Variants in GPCPD1 observed in about 807,000 individuals in gnomAD.
GPCPD1 encodes glycerophosphocholine phosphodiesterase GPCPD1.
GPCPD1 carries 29 observed loss-of-function variants against 89.2 expected under a neutral mutation model. That is an observed-to-expected ratio of 0.33 (90% CI 0.24 to 0.44). The LOEUF (loss-of-function observed/expected upper bound fraction) is 0.44. Ranked by LOEUF, GPCPD1 falls within the 20% of genes least tolerant of loss-of-function variation. GPCPD1 has a pLI of 1.00. For missense variants in GPCPD1, 594 were observed against 808.9 expected (o/e 0.73, Z 3.22); for synonymous variants, 258 against 266.3 (o/e 0.97, Z 0.30).
intron 4 of GPCPD1, among the ~76,000 whole-genome samples, chr20:5,592,028 C>CATG (rs1979362742): frequency 6.6e-6 from 1 of 152,222 alleles, no homozygotes; most frequent in Admixed American, 6.5e-5. Context: ...CTTTTGGTAA[C>CATG]ATTTTCAATG....
At chr20:5,575,374 C>G (rs1367672472) in intron 10 of GPCPD1, 39 bp downstream of exon 10, 1 of 1,487,864 alleles carries the variant, frequency 6.7e-7, no homozygotes, top group South Asian at 1.2e-5. Flanking sequence ...CGAACATAAG[C>G]TACACCAAAT....
At position 5,558,376 on chromosome 20, in the gene GPCPD1, C is replaced by T. The variant is rs780538580; in HGVS notation, c.1669-271G>A. ...ATGGAATGCTCTACCAAAACAAGTT[C>T]ACGTTCATCTGTAAAATGGGAATAA... On this transcript the variant is annotated intron_variant, in intron 18 of 19. Coordinates refer to ENST00000379019, the MANE Select transcript of GPCPD1 (RefSeq NM_019593.5). Among the ~76,000 whole-genome samples, 106 of 152,142 alleles carry T rather than the reference C, an allele frequency of 7.0e-4. No individual in the cohort carries two copies. In the Middle Eastern group the frequency reaches 0.01, roughly 15 times the overall value.
At chr20:5,553,046 G>C (rs6053489) in intron 19 of GPCPD1, among the ~76,000 whole-genome samples, 1 of 152,050 alleles carries the variant, frequency 6.6e-6, no homozygotes, top group Non-Finnish European at 1.5e-5. Context: ...TGGGATTACA[G>C]GCATGAACCA....
chr20:5,581,579 T>C (rs959013936), intron 6 of GPCPD1, among the ~76,000 whole-genome samples: 6 of 152,282 alleles, frequency 3.9e-5, no homozygotes, highest in African/African-American at 1.4e-4. Flanking sequence ...TTCTCAAATT[T>C]ATATATTCTG....
rs138892542 is a variant in GPCPD1 at position 5,565,565 on chromosome 20, T to C, written c.1268-487A>G. On this transcript the variant is annotated intron_variant, in intron 14 of 19. Coordinates refer to ENST00000379019, the MANE Select transcript of GPCPD1 (RefSeq NM_019593.5). ...TATTTTTTAAAGGCTCTTGTATGTATTAAACATCAAAAACCCATTTTCTAA... is the reference window on the plus strand; with the variant it reads ...TATTTTTTAAAGGCTCTTGTATGTACTAAACATCAAAAACCCATTTTCTAA... Among the ~76,000 whole-genome samples the C allele has an allele frequency of 3.7e-4, 57 of 152,274 alleles. No homozygotes were observed. The East Asian group carries it at 0.01, about 27-fold the overall frequency.
intron 19 of GPCPD1, 35 bp downstream of exon 19, chr20:5,557,910 A>G: frequency 8.2e-7 from 1 of 1,224,714 alleles, no homozygotes; most frequent in East Asian, 2.4e-5. Flanking sequence ...CTATACTTCT[A>G]AATTCCATGA....
chr20:5,603,427 A>C (rs1382799904), intron 2 of GPCPD1, among the ~76,000 whole-genome samples: 1 of 152,164 alleles, frequency 6.6e-6, no homozygotes, highest in Non-Finnish European at 1.5e-5. Context: ...AGGGGAGAGA[A>C]GAGAAGGAAC....
intron 19 of GPCPD1, among the ~76,000 whole-genome samples, chr20:5,555,689 C>T (rs1171028871): frequency 6.6e-6 from 1 of 152,148 alleles, no homozygotes; most frequent in Non-Finnish European, 1.5e-5. Context: ...AACCTCTTCT[C>T]TAGTAAAAAT....
At chr20:5,577,064 TG>T (rs760024267) in intron 8 of GPCPD1, among the ~76,000 whole-genome samples, 14,866 of 118,116 alleles carry the variant, frequency 0.13, 684 homozygotes, top group Non-Finnish European at 0.16. Flanking sequence ...TTTTTTTTTT[TG>T]TTTTTTTTTT....
chr20:5,547,822 T>C lies in GPCPD1; in HGVS notation c.1858A>G (p.Asn620Asp). 1 of 1,606,508 alleles carries C rather than the reference T, an allele frequency of 6.2e-7. No individual in the cohort carries two copies. The highest frequency in any genetic ancestry group is 8.5e-7 in the Non-Finnish European group (1 of 1,174,370). Residue 620 changes from asparagine to aspartate, a missense_variant, in exon 20 of 20, where the codon AAT becomes GAT. Asn to Asp is a conservative substitution (Grantham distance 23). Coordinates refer to ENST00000379019, the MANE Select transcript of GPCPD1 (RefSeq NM_019593.5). The part of the protein sequence containing the change: ...RIYDWMPEQP[N>D]IFQVEQLERL... ...TCCAATTGCTCCACTTGGAATATAT[T>C]TGGTTGTTCAGGCATCCAATCATAT...
At chr20:5,555,485 G>A (rs1291952519) in intron 19 of GPCPD1, among the ~76,000 whole-genome samples, 1 of 152,220 alleles carries the variant, frequency 6.6e-6, no homozygotes, top group African/African-American at 2.4e-5. Context: ...GTTGCAGTGA[G>A]CCGAGATTGT....
intron 19 of GPCPD1, among the ~76,000 whole-genome samples, chr20:5,549,748 C>CAA (rs397864689): frequency 0.01 from 952 of 95,072 alleles, 16 homozygotes; most frequent in African/African-American, 0.023. Flanking sequence ...GAACCTGCCT[C>CAA]AAAAAAAAAA....
At chr20:5,603,626 C>A (rs915127217) in intron 2 of GPCPD1, among the ~76,000 whole-genome samples, 2 of 152,114 alleles carry the variant, frequency 1.3e-5, no homozygotes, top group Non-Finnish European at 2.9e-5. Flanking sequence ...CTTTGACATG[C>A]TATCTCACAC....
intron 2 of GPCPD1, among the ~76,000 whole-genome samples, chr20:5,601,722 T>A (rs1325190305): frequency 6.6e-6 from 1 of 151,926 alleles, no homozygotes; most frequent in Admixed American, 6.6e-5. Context: ...TTATTTCTCA[T>A]CCCCCACATA....
intron 2 of GPCPD1, among the ~76,000 whole-genome samples, chr20:5,600,313 T>A (rs1341916707): frequency 6.6e-6 from 1 of 152,232 alleles, no homozygotes; most frequent in Non-Finnish European, 1.5e-5. Context: ...CCCAGCACTT[T>A]GGGAGGCCAA....
chr20:5,587,908 T>G (rs2122729140), intron 4 of GPCPD1, among the ~76,000 whole-genome samples: 1 of 152,336 alleles, frequency 6.6e-6, no homozygotes, highest in South Asian at 2.1e-4. Flanking sequence ...CTCAAACTTC[T>G]GAAGTTTAAA....
intron 17 of GPCPD1, among the ~76,000 whole-genome samples, chr20:5,559,242 C>G (rs1435363208): frequency 6.6e-6 from 1 of 151,842 alleles, no homozygotes; most frequent in Admixed American, 6.6e-5. Context: ...AGAAAGAAAA[C>G]AAAGAAACAT....
chr20:5,562,060 A>G (rs1986114797), intron 15 of GPCPD1, among the ~76,000 whole-genome samples: 1 of 152,254 alleles, frequency 6.6e-6, no homozygotes, highest in African/African-American at 2.4e-5. Context: ...CAAAAAAGTT[A>G]TAATTTATAT....
intron 2 of GPCPD1, among the ~76,000 whole-genome samples, chr20:5,601,964 T>G (rs1327393824): frequency 6.6e-6 from 1 of 152,218 alleles, no homozygotes; most frequent in South Asian, 2.1e-4. Context: ...TATAAAAGAT[T>G]ATGAAGACTT....
Sources: allele counts gnomAD v4.1 joint callset (sites outside exome capture counted in the v4.1 genomes callset), GRCh38; gene constraint gnomAD v4.1.1; transcripts MANE v1.5; gene names NCBI Gene and HGNC (gene_info 2026-07-23, HGNC 2026-07-21).